The following LRRC4C variants were observed in gnomAD, a reference collection of about 807,000 sequenced individuals.
The protein encoded by LRRC4C is leucine-rich repeat-containing protein 4C.
Under a neutral mutation model 33.6 loss-of-function variants are expected in LRRC4C, and 5 were observed. That is an observed-to-expected ratio of 0.15 (90% confidence interval 0.08 to 0.31). The LOEUF is 0.31. LRRC4C is among the 10% of genes least tolerant of loss of function. The pLI is 1.00. For synonymous variants in LRRC4C, 329 were observed against 302.0 expected (o/e 1.09, Z -0.93); for missense variants, 560 against 796.7 (o/e 0.70, Z 3.58).
chr11:41,408,755 A>AAAAAAAAAAAAAAAAAAC lies in LRRC4C; in HGVS notation c.-496+50675_-496+50676insGTTTTTTTTTTTTTTTTT, dbSNP rs1191106845. Among the ~76,000 whole-genome samples, 351 of 147,996 alleles carry AAAAAAAAAAAAAAAAAAC rather than the reference A, an allele frequency of 2.4e-3. 4 individuals carry two copies. The highest frequency in any genetic ancestry group is 8.1e-3 in the African/African-American group (307 of 37,712). ...AGAAAGGTATATTTTTGTAAAAAAA[A>AAAAAAAAAAAAAAAAAAC]AAAAAAAAAAAACTGAGTCTCTCAA... On this transcript the variant is annotated intron_variant, in intron 1 of 6. Coordinates refer to ENST00000528697, the MANE Select transcript of LRRC4C (RefSeq NM_001258419.2).
intron 2 of LRRC4C, among the ~76,000 whole-genome samples, chr11:40,739,061 G>A (rs898235095): frequency 6.7e-5 from 10 of 148,404 alleles, no homozygotes; most frequent in African/African-American, 2.5e-4. Context: ...GTGGTGAGAA[G>A]ATTTGAGATC....
intron 5 of LRRC4C, among the ~76,000 whole-genome samples, chr11:40,158,728 G>T (rs980677314): frequency 9.9e-5 from 15 of 152,130 alleles, no homozygotes; most frequent in African/African-American, 3.6e-4. Context: ...AGGAATACAG[G>T]TATCCAACCT....
At chr11:40,645,967 T>C (rs966781558) in intron 3 of LRRC4C, among the ~76,000 whole-genome samples, 8 of 152,116 alleles carry the variant, frequency 5.3e-5, no homozygotes, top group Non-Finnish European at 7.3e-5. Context: ...TCTCTGACTC[T>C]TACTTTTGTC....
intron 3 of LRRC4C, among the ~76,000 whole-genome samples, chr11:40,633,353 C>CT (rs1487684001): frequency 2.5e-5 from 1 of 39,396 alleles, no homozygotes; most frequent in Non-Finnish European, 4.7e-5. Context: ...TTCTTTCTTT[C>CT]TTTCTTTCTT....
chr11:41,071,144 CAG>C (rs924437437), intron 1 of LRRC4C, among the ~76,000 whole-genome samples: 5 of 152,086 alleles, frequency 3.3e-5, no homozygotes, highest in African/African-American at 1.2e-4. Flanking sequence ...AGCAAACTAA[CAG>C]AGTAACAGAA....
intron 1 of LRRC4C, among the ~76,000 whole-genome samples, chr11:41,331,682 T>C (rs1282799699): frequency 6.6e-6 from 1 of 152,138 alleles, no homozygotes; most frequent in African/African-American, 2.4e-5. Context: ...TTCACTTCCA[T>C]GGCTACAACA....
intron 1 of LRRC4C, among the ~76,000 whole-genome samples, chr11:41,066,370 A>T (rs1255566701): frequency 6.6e-6 from 1 of 152,316 alleles, no homozygotes; most frequent in African/African-American, 2.4e-5. Context: ...TTAGAGAAAA[A>T]AGAATGAAAA....
At chr11:40,652,759 A>C (rs1180866910) in intron 2 of LRRC4C, among the ~76,000 whole-genome samples, 1 of 152,190 alleles carries the variant, frequency 6.6e-6, no homozygotes, top group Non-Finnish European at 1.5e-5. Flanking sequence ...CAGTGAGAAA[A>C]GAGAGAAAAA....
At chr11:41,263,691 G>A (rs546200869) in intron 1 of LRRC4C, among the ~76,000 whole-genome samples, 1 of 152,224 alleles carries the variant, frequency 6.6e-6, no homozygotes, top group African/African-American at 2.4e-5. Flanking sequence ...AGTTGTTGAT[G>A]TAAGACAGGT....
chr11:40,571,605 A>T (rs549850710), intron 3 of LRRC4C, among the ~76,000 whole-genome samples: 1 of 152,260 alleles, frequency 6.6e-6, no homozygotes, highest in Non-Finnish European at 1.5e-5. Flanking sequence ...TGAGCTCTTT[A>T]TGTATAATTC....
chr11:40,926,486 ACT>A (rs1957410421), intron 2 of LRRC4C, among the ~76,000 whole-genome samples: 1 of 152,172 alleles, frequency 6.6e-6, no homozygotes. Flanking sequence ...ATACTGAAGC[ACT>A]CTCTTACAAT....
chr11:40,689,622 C>T (rs1377385186), intron 2 of LRRC4C, among the ~76,000 whole-genome samples: 1 of 151,960 alleles, frequency 6.6e-6, no homozygotes, highest in Non-Finnish European at 1.5e-5. Context: ...ATAATATTTA[C>T]AGGAAAAATC....
intron 3 of LRRC4C, among the ~76,000 whole-genome samples, chr11:40,509,925 C>T (rs1955228167): frequency 6.6e-6 from 1 of 151,988 alleles, no homozygotes; most frequent in Admixed American, 6.6e-5. Flanking sequence ...AAGCTCTTGT[C>T]CATGGCAGCG....
chr11:40,818,304 A>T (rs11036089), intron 2 of LRRC4C, among the ~76,000 whole-genome samples: 17,138 of 152,080 alleles, frequency 0.11, 1,007 homozygotes, highest in South Asian at 0.15. Flanking sequence ...CCCACTAAGG[A>T]TCGCAAGTTC....
chr11:40,584,281 C>G lies in LRRC4C; in HGVS notation c.-270+63861G>C, dbSNP rs553684321. Reference sequence around the variant, plus strand: ...TTGGCAGCTTCCATGTCTATGACCTCTATCATCCAGATGCCAGTAGAACAC... The same window carrying G: ...TTGGCAGCTTCCATGTCTATGACCTGTATCATCCAGATGCCAGTAGAACAC... On this transcript the variant is annotated intron_variant, in intron 3 of 6. Transcript: ENST00000528697. Among the ~76,000 whole-genome samples the G allele has an allele frequency of 4.1e-4, 61 of 147,442 alleles. 1 individual carries two copies. The highest frequency in any genetic ancestry group is 1.2e-3 in the African/African-American group (48 of 40,076).
At chr11:40,765,007 T>A (rs988208299) in intron 2 of LRRC4C, among the ~76,000 whole-genome samples, 1 of 152,106 alleles carries the variant, frequency 6.6e-6, no homozygotes, top group Non-Finnish European at 1.5e-5. Context: ...ATATTAAATA[T>A]CCAACTCTTC....
chr11:40,814,991 C>G (rs2135416519), intron 2 of LRRC4C, among the ~76,000 whole-genome samples: 1 of 152,246 alleles, frequency 6.6e-6, no homozygotes, highest in African/African-American at 2.4e-5. Flanking sequence ...CTGCCTGTTA[C>G]CCAGTTCCAA....
intron 3 of LRRC4C, among the ~76,000 whole-genome samples, chr11:40,562,051 A>C (rs1321362164): frequency 6.6e-6 from 1 of 152,206 alleles, no homozygotes. Flanking sequence ...GGTCTAGACA[A>C]CACTTATGGC....
At chr11:41,025,544 G>T (rs1276449201) in intron 1 of LRRC4C, among the ~76,000 whole-genome samples, 1 of 151,154 alleles carries the variant, frequency 6.6e-6, no homozygotes, top group Non-Finnish European at 1.5e-5. Context: ...AAAAAAACTT[G>T]CAGAAGAAAA....
Sources: allele counts gnomAD v4.1 joint callset (sites outside exome capture counted in the v4.1 genomes callset), GRCh38; gene constraint gnomAD v4.1.1; transcripts MANE v1.5; gene names NCBI Gene and HGNC (gene_info 2026-07-23, HGNC 2026-07-21).